PLA2G4A: variants seen among roughly 807,000 people sequenced by gnomAD.
PLA2G4A encodes phospholipase A2 group IVA.
PLA2G4A carries 40 observed loss-of-function variants against 81.9 expected under a neutral mutation model. The ratio of observed to expected loss-of-function variants is 0.49; its 90% CI spans 0.38 to 0.64. The LOEUF (loss-of-function observed/expected upper bound fraction) is 0.64. PLA2G4A is among the 30% of genes least tolerant of loss of function. The probability of loss-of-function intolerance (pLI) is 0.00; values close to 1 mark genes in which losing one functional copy is unlikely to be tolerated. For missense variants in PLA2G4A, 715 were observed against 905.1 expected (o/e 0.79, Z 2.69); for synonymous variants, 302 against 296.9 (o/e 1.02, Z -0.18).
chr1:186,968,838 TTA>T (rs1657232809), intron 15 of PLA2G4A, among the ~76,000 whole-genome samples: 1 of 151,840 alleles, frequency 6.6e-6, no homozygotes, highest in Admixed American at 6.6e-5. Flanking sequence ...CTATGTCTAA[TTA>T]TATATTTGAG....
chr1:186,951,454 A>AAC (rs386369008), intron 13 of PLA2G4A, among the ~76,000 whole-genome samples: 11 of 408 alleles, frequency 0.027, no homozygotes, highest in Non-Finnish European at 0.015. Context: ...CCCAATAGTT[A>AAC]AAAAAAAGCC....
intron 1 of PLA2G4A, among the ~76,000 whole-genome samples, chr1:186,844,212 G>C (rs1652089144): frequency 6.6e-6 from 1 of 152,152 alleles, no homozygotes; most frequent in Non-Finnish European, 1.5e-5. Flanking sequence ...TGGTTTGAGA[G>C]ACATTTTTAA....
Position 186,950,524 on chromosome 1 carries a change from A to T in PLA2G4A, c.1265-133A>T. 5.4e-6 allele frequency: 3 copies of T among 551,486 alleles called. No homozygotes were observed. The East Asian group carries it at 9.4e-5, about 17-fold the overall frequency. 34.2% of individuals were successfully genotyped at this position (551,486 alleles called of 1,614,324 possible). On this transcript the variant is annotated intron_variant, in intron 12 of 17. Transcript: ENST00000367466. ...AATCTAATAAATCTAGAATTATTAA[A>T]TGGATTTAAATTTATACTAGTAGAG... is the stretch of plus-strand genomic sequence containing the variant.
At position 186,975,632 on chromosome 1, in the gene PLA2G4A, A is replaced by G. The variant is rs116459413; in HGVS notation, c.1765-1961A>G. Reference sequence around the variant, plus strand: ...CTGAGAAATAAGAAACAGATGAAATAGAGATGAGATGGGATTGGGAGCCTG... The same window carrying G: ...CTGAGAAATAAGAAACAGATGAAATGGAGATGAGATGGGATTGGGAGCCTG... On this transcript the variant is annotated intron_variant, in intron 15 of 17. Coordinates refer to ENST00000367466, the MANE Select transcript of PLA2G4A (RefSeq NM_024420.3). Among the ~76,000 whole-genome samples, 830 of 152,364 alleles carry G rather than the reference A, an allele frequency of 5.4e-3. 4 individuals are homozygous for G. The highest frequency in any genetic ancestry group is 0.019 in the African/African-American group (773 of 41,586).
intron 2 of PLA2G4A, among the ~76,000 whole-genome samples, chr1:186,863,883 C>G (rs1249901436): frequency 6.6e-6 from 1 of 151,870 alleles, no homozygotes; most frequent in African/African-American, 2.4e-5. Context: ...GTCTCAGCCT[C>G]CTGAGAAGCT....
At position 186,968,972 on chromosome 1, in the gene PLA2G4A, G is replaced by T. The variant is rs75605292; in HGVS notation, c.1764+3379G>T. Reference sequence around the variant, plus strand: ...ATGCTTCAGTTTTCTTCCTTTGTGAGACTGAATGGTTTGTCATGCTTATTA... The same window carrying T: ...ATGCTTCAGTTTTCTTCCTTTGTGATACTGAATGGTTTGTCATGCTTATTA... On this transcript the variant is annotated intron_variant, in intron 15 of 17. Coordinates refer to ENST00000367466, the MANE Select transcript of PLA2G4A (RefSeq NM_024420.3). 8.9e-3 allele frequency among the ~76,000 whole-genome samples: 1,351 copies of T among 151,908 alleles called. 10 individuals are homozygous for T. Among genetic ancestry groups the T allele is most frequent in the Non-Finnish European group, 0.014 (932 of 67,814 alleles).
Position 186,946,751 on chromosome 1 carries a change from A to G in PLA2G4A, c.1148A>G (p.Glu383Gly), listed in dbSNP as rs1358090725. The change falls in exon 11 of 18, where the codon GAA becomes GGA. Residue 383 changes from glutamate to glycine, a missense_variant. By Grantham distance (98) the Glu-to-Gly change is moderately conservative (BLOSUM62 -2). Transcript: ENST00000367466. ...FMGTVVKKYE[E>G]NPLHFLMGVW... Reference sequence around the variant, plus strand: ...GGAACAGTCGTTAAGAAGTATGAAGAAAACCCCTTGCATTTCTTAATGGGT... The same window carrying G: ...GGAACAGTCGTTAAGAAGTATGAAGGAAACCCCTTGCATTTCTTAATGGGT... 1.2e-5 allele frequency: 20 copies of G among 1,612,198 alleles called. No homozygotes were observed. Among genetic ancestry groups the G allele is most frequent in the Non-Finnish European group, 1.6e-5 (19 of 1,178,626 alleles).
chr1:186,874,737 TA>T (rs541119393), intron 3 of PLA2G4A, among the ~76,000 whole-genome samples: 1 of 152,034 alleles, frequency 6.6e-6, no homozygotes, highest in Non-Finnish European at 1.5e-5. Context: ...TATACTCTAA[TA>T]AAAAATACAT....
At chr1:186,897,479 CTCT>C (rs1429152119) in intron 5 of PLA2G4A, among the ~76,000 whole-genome samples, 2 of 151,906 alleles carry the variant, frequency 1.3e-5, no homozygotes, top group Non-Finnish European at 2.9e-5. Flanking sequence ...AAGAATACTT[CTCT>C]TCTTTTAAAA....
intron 3 of PLA2G4A, among the ~76,000 whole-genome samples, chr1:186,882,079 G>T (rs1471751197): frequency 6.6e-6 from 1 of 152,098 alleles, no homozygotes; most frequent in African/African-American, 2.4e-5. Context: ...GAATGAACTT[G>T]CTCAGCTCAC....
chr1:186,933,310 G>A (rs1432237022), intron 8 of PLA2G4A, among the ~76,000 whole-genome samples: 5 of 151,062 alleles, frequency 3.3e-5, no homozygotes, highest in Admixed American at 2.0e-4. Context: ...TCTTCTTTAG[G>A]GCAAATAGAA....
At chr1:186,870,803 T>A (rs1478455941) in intron 3 of PLA2G4A, 3 of 1,102,550 alleles carry the variant, frequency 2.7e-6, no homozygotes, top group Non-Finnish European at 4.0e-6. Flanking sequence ...AGCCTTTAAT[T>A]ACTTGAGTTC....
At chr1:186,975,456 C>A (rs1392345499) in intron 15 of PLA2G4A, among the ~76,000 whole-genome samples, 1 of 152,114 alleles carries the variant, frequency 6.6e-6, no homozygotes, top group Non-Finnish European at 1.5e-5. Context: ...GTGTATTTTT[C>A]TCTGAATGTA....
chr1:186,939,672 A>G (rs1189677252), intron 9 of PLA2G4A, among the ~76,000 whole-genome samples: 2 of 152,194 alleles, frequency 1.3e-5, no homozygotes. Context: ...TTGAAGATAA[A>G]GCAGAGGAGC....
At chr1:186,834,618 T>C (rs1000398070) in intron 1 of PLA2G4A, among the ~76,000 whole-genome samples, 2 of 152,100 alleles carry the variant, frequency 1.3e-5, no homozygotes, top group Non-Finnish European at 1.5e-5. Flanking sequence ...ATTGACGTAA[T>C]AGGGGAGGTT....
chr1:186,921,743 C>T (rs979205841), intron 7 of PLA2G4A, among the ~76,000 whole-genome samples: 7 of 151,954 alleles, frequency 4.6e-5, no homozygotes, highest in South Asian at 2.1e-4. Flanking sequence ...GGAGTTGGGT[C>T]GGACAGGACT....
intron 7 of PLA2G4A, among the ~76,000 whole-genome samples, chr1:186,924,977 A>C (rs1003648573): frequency 3.3e-5 from 5 of 151,592 alleles, no homozygotes; most frequent in Non-Finnish European, 7.4e-5. Context: ...GAACCCAGGA[A>C]GTAGAGGCTG....
intron 3 of PLA2G4A, among the ~76,000 whole-genome samples, chr1:186,887,656 A>G (rs1653982917): frequency 6.6e-6 from 1 of 152,186 alleles, no homozygotes; most frequent in South Asian, 2.1e-4. Flanking sequence ...CTCAACACGC[A>G]ATTGCCCTAT....
intron 5 of PLA2G4A, among the ~76,000 whole-genome samples, chr1:186,905,345 G>A (rs184216247): frequency 3.2e-4 from 49 of 151,206 alleles, no homozygotes; most frequent in Admixed American, 7.2e-4. Context: ...TTTACACTCT[G>A]GTGATAAAAA....
Sources: allele counts gnomAD v4.1 joint callset (sites outside exome capture counted in the v4.1 genomes callset), GRCh38; gene constraint gnomAD v4.1.1; transcripts MANE v1.5; gene names NCBI Gene and HGNC (gene_info 2026-07-23, HGNC 2026-07-21).